Variants in SYNPR observed in about 807,000 individuals in gnomAD.
The protein encoded by SYNPR is synaptoporin.
A neutral mutation model predicts 32.9 loss-of-function variants in SYNPR; 23 were observed. That is an observed-to-expected ratio of 0.70 (90% CI 0.50 to 0.99). SYNPR has a LOEUF of 0.99. Among genes scored for constraint, SYNPR ranks in the 50% least tolerant of loss-of-function variants. The probability of loss-of-function intolerance (pLI) is 0.00; values close to 1 mark genes in which losing one functional copy is unlikely to be tolerated. For missense variants in SYNPR, 318 were observed against 349.3 expected, an observed-to-expected ratio of 0.91 and a Z score of 0.71; for synonymous variants, 146 against 135.9, an observed-to-expected ratio of 1.07 and a Z score of -0.52.
chr3:63,503,833 C>A (rs1253085456), intron 3 of SYNPR, among the ~76,000 whole-genome samples: 1 of 151,878 alleles, frequency 6.6e-6, no homozygotes, highest in Non-Finnish European at 1.5e-5. Flanking sequence ...AAAGGACAGT[C>A]AGTGGCTAAG....
chr3:63,355,709 C>T (rs904360383), intron 2 of SYNPR, among the ~76,000 whole-genome samples: 28 of 152,096 alleles, frequency 1.8e-4, no homozygotes, highest in Admixed American at 5.2e-4. Context: ...CTCTGGCCCC[C>T]CCAGCCAGTG....
chr3:63,558,280 C>A (rs1221337415), intron 4 of SYNPR, among the ~76,000 whole-genome samples: 2 of 152,160 alleles, frequency 1.3e-5, no homozygotes, highest in Non-Finnish European at 1.5e-5. Flanking sequence ...TATAGCCATA[C>A]AAAATGGACT....
chr3:63,536,446 C>T (rs1267996512), intron 3 of SYNPR, among the ~76,000 whole-genome samples: 1 of 152,064 alleles, frequency 6.6e-6, no homozygotes, highest in East Asian at 1.9e-4. Context: ...AAATAAAAAA[C>T]ACAGACAATA....
At chr3:63,284,328 C>T (rs2086660414) in intron 2 of SYNPR, among the ~76,000 whole-genome samples, 1 of 152,222 alleles carries the variant, frequency 6.6e-6, no homozygotes, top group Non-Finnish European at 1.5e-5. Flanking sequence ...ATCAAAAGAA[C>T]TTAAACTCTC....
intron 3 of SYNPR, among the ~76,000 whole-genome samples, chr3:63,530,375 G>C (rs185020852): frequency 2.3e-3 from 352 of 152,206 alleles, no homozygotes; most frequent in Admixed American, 4.8e-3. Flanking sequence ...CTAGGGAGTT[G>C]TGTTCAAGTG....
chr3:63,515,797 A>G (rs1383058215), intron 3 of SYNPR, among the ~76,000 whole-genome samples: 2 of 152,138 alleles, frequency 1.3e-5, no homozygotes, highest in Non-Finnish European at 2.9e-5. Context: ...ATTTGTTTGT[A>G]TGTGTATATA....
At chr3:63,256,983 A>G (rs949769478) in intron 2 of SYNPR, among the ~76,000 whole-genome samples, 5 of 152,232 alleles carry the variant, frequency 3.3e-5, no homozygotes, top group African/African-American at 1.2e-4. Context: ...TGGAAGATCA[A>G]ATGAATGAAA....
chr3:63,497,227 T>C (rs1701389695), intron 3 of SYNPR, among the ~76,000 whole-genome samples: 1 of 152,146 alleles, frequency 6.6e-6, no homozygotes, highest in African/African-American at 2.4e-5. Context: ...TTTTGAAAAT[T>C]TGTATATTGA....
intron 2 of SYNPR, among the ~76,000 whole-genome samples, chr3:63,380,018 C>T (rs938618743): frequency 5.9e-5 from 9 of 152,184 alleles, no homozygotes; most frequent in African/African-American, 1.9e-4. Flanking sequence ...GACATGAACT[C>T]ATCATTTTTT....
Position 63,336,519 on chromosome 3 carries a change from C to CAAAAAAAAAAA in SYNPR, c.84+57810_84+57820dup, listed in dbSNP as rs3082131. 1.2e-4 allele frequency among the ~76,000 whole-genome samples: 6 copies of CAAAAAAAAAAA among 48,838 alleles called. 1 individual carries two copies. Among genetic ancestry groups the CAAAAAAAAAAA allele is most frequent in the Non-Finnish European group, 1.5e-4 (4 of 25,880 alleles). The allele number at this position is 48,838 out of a possible 152,430, so 32.0% of individuals were successfully genotyped here. A position where few individuals can be genotyped will look rare whatever the true frequency, so the allele number is the denominator to read the frequency against. On this transcript the variant is annotated intron_variant, in intron 2 of 5. Transcript: ENST00000478300. ...ACTAGAACAAGTGGACATTCCCATG[C>CAAAAAAAAAAA]AAAAAAAAAAAAAAAAAAAAAAAAA...
At chr3:63,306,546 AAC>A (rs963894439) in intron 2 of SYNPR, among the ~76,000 whole-genome samples, 22 of 151,962 alleles carry the variant, frequency 1.4e-4, no homozygotes, top group African/African-American at 2.9e-4. Flanking sequence ...TAAAAAAAAA[AAC>A]AATATAAAAT....
chr3:63,209,334 G>A, the SYNPR span, among the ~76,000 whole-genome samples: 25 of 109,722 alleles, frequency 2.3e-4, no homozygotes, highest in East Asian at 4.0e-3. Flanking sequence ...AAAAAAAAAA[G>A]GTTGGGAAAC....
chr3:63,567,611 G>T (rs911682701), intron 4 of SYNPR, among the ~76,000 whole-genome samples: 1 of 152,134 alleles, frequency 6.6e-6, no homozygotes. Context: ...TCAAACAGTT[G>T]GCACAAAGTT....
At chr3:63,397,290 G>GA (rs1185562524) in intron 2 of SYNPR, among the ~76,000 whole-genome samples, 1 of 152,074 alleles carries the variant, frequency 6.6e-6, no homozygotes, top group Non-Finnish European at 1.5e-5. Flanking sequence ...CATAGGTCAG[G>GA]AAAATGCAAG....
At chr3:63,489,119 G>A (rs1289000742) in intron 3 of SYNPR, among the ~76,000 whole-genome samples, 3 of 152,132 alleles carry the variant, frequency 2.0e-5, no homozygotes, top group East Asian at 1.9e-4. Context: ...GCACCGGTGA[G>A]GAATGGGGAC....
intron 3 of SYNPR, among the ~76,000 whole-genome samples, chr3:63,503,789 C>T (rs1701530604): frequency 6.6e-6 from 1 of 151,896 alleles, no homozygotes; most frequent in African/African-American, 2.4e-5. Context: ...ACCAAATACA[C>T]AACAAATAAT....
chr3:63,581,439 A>G (rs1378062765), intron 4 of SYNPR, among the ~76,000 whole-genome samples: 1 of 152,172 alleles, frequency 6.6e-6, no homozygotes, highest in Non-Finnish European at 1.5e-5. Context: ...CAGTCATACA[A>G]TCATTCAAAA....
chr3:63,426,971 G>A (rs1699904139), intron 2 of SYNPR, among the ~76,000 whole-genome samples: 1 of 152,048 alleles, frequency 6.6e-6, no homozygotes, highest in African/African-American at 2.4e-5. Context: ...GTCGAGCCTT[G>A]TAGTTCTACC....
chr3:63,385,458 C>T (rs749442553), intron 2 of SYNPR, among the ~76,000 whole-genome samples: 10 of 152,328 alleles, frequency 6.6e-5, no homozygotes, highest in East Asian at 3.9e-4. Flanking sequence ...TATCACCTCT[C>T]ATTTTAAGTA....
Sources: gnomAD v4.1 joint callset for allele counts (sites outside exome capture counted in the v4.1 genomes callset) on GRCh38, gnomAD v4.1.1 for gene constraint, MANE v1.5 for transcripts, NCBI Gene and HGNC (gene_info 2026-07-23, HGNC 2026-07-21) for gene names.